Variants in GRID2 observed in about 807,000 individuals in gnomAD.
GRID2 encodes the protein glutamate ionotropic receptor delta type subunit 2.
In GRID2, 33 loss-of-function variants were observed where a neutral mutation model predicts 114.8. That is an observed-to-expected ratio of 0.29 (90% CI 0.22 to 0.38). GRID2 has a LOEUF of 0.38. GRID2 is among the 10% of genes least tolerant of loss of function. GRID2 has a pLI of 1.00. For missense variants in GRID2, 1,184 were observed against 1,257.7 expected (o/e 0.94, Z 0.89); for synonymous variants, 505 against 449.9 (o/e 1.12, Z -1.55).
intron 1 of GRID2, among the ~76,000 whole-genome samples, chr4:92,327,017 A>G (rs1196785162): frequency 1.3e-5 from 2 of 151,916 alleles, no homozygotes; most frequent in Non-Finnish European, 2.9e-5. Context: ...CATTTCTACT[A>G]CATTGCCACA....
chr4:93,757,915 C>A (rs1272650012), intron 14 of GRID2, among the ~76,000 whole-genome samples: 2 of 152,110 alleles, frequency 1.3e-5, no homozygotes, highest in South Asian at 4.1e-4. Context: ...CGAGATCGCA[C>A]CATTGTACTC....
Position 93,016,943 on chromosome 4 carries a change from A to G in GRID2, c.245-68052A>G, listed in dbSNP as rs1722806885. Among the ~76,000 whole-genome samples the G allele has an allele frequency of 2.0e-5, 3 of 152,152 alleles. 1 individual carries two copies. The South Asian group carries it at 6.2e-4, about 31-fold the overall frequency. ...CCGTTGCTTAAAAAAATTCTCTTCTATGATGCTTCTGTCACGTTTTGGGGT... is the reference window on the plus strand; with the variant it reads ...CCGTTGCTTAAAAAAATTCTCTTCTGTGATGCTTCTGTCACGTTTTGGGGT... On this transcript the variant is annotated intron_variant, in intron 2 of 15. Coordinates refer to ENST00000282020, the MANE Select transcript of GRID2 (RefSeq NM_001510.4).
chr4:93,088,952 T>C (rs2149326684), intron 3 of GRID2, among the ~76,000 whole-genome samples: 1 of 152,302 alleles, frequency 6.6e-6, no homozygotes, highest in East Asian at 1.9e-4. Flanking sequence ...TAATAAGGGC[T>C]AATCTAATAG....
At chr4:93,513,838 G>A (rs997514197) in intron 12 of GRID2, among the ~76,000 whole-genome samples, 1 of 152,154 alleles carries the variant, frequency 6.6e-6, no homozygotes, top group African/African-American at 2.4e-5. Context: ...ACACAATTTT[G>A]TACATGATGG....
At chr4:93,176,063 T>C (rs1462517903) in intron 4 of GRID2, among the ~76,000 whole-genome samples, 1 of 152,234 alleles carries the variant, frequency 6.6e-6, no homozygotes, top group Non-Finnish European at 1.5e-5. Context: ...AAGCAAATTA[T>C]AATTATTGGT....
chr4:93,032,960 AGT>A (rs1239284079), intron 2 of GRID2, among the ~76,000 whole-genome samples: 1 of 152,180 alleles, frequency 6.6e-6, no homozygotes, highest in African/African-American at 2.4e-5. Flanking sequence ...TTTCTTATAA[AGT>A]GTGATGTTGC....
intron 2 of GRID2, among the ~76,000 whole-genome samples, chr4:92,675,843 C>T (rs1350062550): frequency 6.6e-6 from 1 of 151,910 alleles, no homozygotes; most frequent in Non-Finnish European, 1.5e-5. Flanking sequence ...CGTGAGCTAC[C>T]ACGCCTGGCC....
chr4:93,427,767 A>G lies in GRID2; in HGVS notation c.1545+4799A>G, dbSNP rs372508802. On this transcript the variant is annotated intron_variant, in intron 10 of 15. Coordinates refer to ENST00000282020, the MANE Select transcript of GRID2 (RefSeq NM_001510.4). ...GAGTCTATTTAAAAACTAATAATAT[A>G]GTAAAGTCTCCTCAAGTCCTTCTCT... 3.9e-5 allele frequency among the ~76,000 whole-genome samples: 6 copies of G among 152,204 alleles called. No homozygotes were observed. The East Asian group carries it at 9.6e-4, about 24-fold the overall frequency.
intron 8 of GRID2, among the ~76,000 whole-genome samples, chr4:93,346,676 TC>T (rs931333776): frequency 5.3e-5 from 8 of 152,272 alleles, no homozygotes; most frequent in African/African-American, 1.9e-4. Context: ...CTTTCCTGGC[TC>T]ATTTGAAAGT....
At chr4:93,546,471 G>A (rs1199626167) in intron 13 of GRID2, among the ~76,000 whole-genome samples, 1 of 152,184 alleles carries the variant, frequency 6.6e-6, no homozygotes, top group African/African-American at 2.4e-5. Flanking sequence ...ACCTAGCAAA[G>A]AGGACCAAGG....
chr4:93,240,039 C>T (rs77403929), intron 8 of GRID2, among the ~76,000 whole-genome samples: 3,523 of 151,566 alleles, frequency 0.023, 141 homozygotes, highest in African/African-American at 0.08. Context: ...TTGTCCCACA[C>T]CACTGCAGTT....
chr4:93,209,519 C>G (rs1743206544), intron 5 of GRID2, among the ~76,000 whole-genome samples: 1 of 152,062 alleles, frequency 6.6e-6, no homozygotes, highest in Non-Finnish European at 1.5e-5. Context: ...TATGTTGATT[C>G]CATGTCATTC....
chr4:92,832,997 T>C (rs1275824345), intron 2 of GRID2, among the ~76,000 whole-genome samples: 1 of 152,152 alleles, frequency 6.6e-6, no homozygotes, highest in Non-Finnish European at 1.5e-5. Flanking sequence ...ATGGTAGATG[T>C]TATGTTTACA....
intron 14 of GRID2, among the ~76,000 whole-genome samples, chr4:93,660,588 G>T (rs115234811): frequency 8.3e-6 from 1 of 120,812 alleles, no homozygotes; most frequent in Admixed American, 7.8e-5. Context: ...CACAACATGT[G>T]AGTAAAAAGT....
chr4:93,140,205 C>A (rs1488244191), intron 4 of GRID2, among the ~76,000 whole-genome samples: 1 of 143,318 alleles, frequency 7.0e-6, no homozygotes, highest in Non-Finnish European at 1.5e-5. Flanking sequence ...GTCACCCAGG[C>A]TCGAGTGCAG....
chr4:92,868,649 T>C (rs988666047), intron 2 of GRID2, among the ~76,000 whole-genome samples: 1 of 152,122 alleles, frequency 6.6e-6, no homozygotes, highest in Non-Finnish European at 1.5e-5. Flanking sequence ...ATTATGTCTT[T>C]TGATAAATTG....
chr4:93,457,269 T>A (rs1723297240), intron 11 of GRID2, among the ~76,000 whole-genome samples: 1 of 152,118 alleles, frequency 6.6e-6, no homozygotes, highest in Non-Finnish European at 1.5e-5. Flanking sequence ...TAACACTTTA[T>A]ACAGAGAGAC....
At chr4:93,265,164 A>G (rs1228579888) in intron 8 of GRID2, among the ~76,000 whole-genome samples, 5 of 152,074 alleles carry the variant, frequency 3.3e-5, no homozygotes, top group Non-Finnish European at 7.4e-5. Flanking sequence ...TTTTTCCCTC[A>G]TGAAACTATT....
chr4:92,820,111 T>G (rs1578235850), intron 2 of GRID2, among the ~76,000 whole-genome samples: 1 of 152,142 alleles, frequency 6.6e-6, no homozygotes, highest in East Asian at 1.9e-4. Context: ...CATTCACTTC[T>G]CATTTGGTTC....
Sources: gnomAD v4.1 joint callset for allele counts (sites outside exome capture counted in the v4.1 genomes callset) on GRCh38, gnomAD v4.1.1 for gene constraint, MANE v1.5 for transcripts, NCBI Gene and HGNC (gene_info 2026-07-23, HGNC 2026-07-21) for gene names.